The following AOPEP variants were observed in gnomAD, a reference collection of about 807,000 sequenced individuals.
AOPEP encodes the protein aminopeptidase O (putative), also known as aminopeptidase O.
Under a neutral mutation model 98.1 loss-of-function variants are expected in AOPEP, and 77 were observed. The ratio of observed to expected loss-of-function variants is 0.78; its 90% CI spans 0.65 to 0.95. The LOEUF is 0.95. AOPEP is among the 40% of genes least tolerant of loss of function. The probability of loss-of-function intolerance (pLI) is 0.00; values close to 1 mark genes in which losing one functional copy is unlikely to be tolerated. For synonymous variants in AOPEP, 346 were observed against 365.3 expected (o/e 0.95, Z 0.60); for missense variants, 1,024 against 1,024.7 (o/e 1.00, Z 0.01).
At chr9:94,728,377 A>G (rs1829759623) in intron 1 of AOPEP, among the ~76,000 whole-genome samples, 1 of 152,218 alleles carries the variant, frequency 6.6e-6, no homozygotes, top group Admixed American at 6.5e-5. Context: ...TGAGAGCTTA[A>G]TACTTCTTTA....
the AOPEP span, among the ~76,000 whole-genome samples, chr9:95,148,548 A>G: frequency 6.6e-6 from 1 of 152,246 alleles, no homozygotes; most frequent in Non-Finnish European, 1.5e-5. Context: ...GTCCACCAAC[A>G]TAAGCTTGAC....
At chr9:95,015,969 T>G (rs1194202775) in intron 13 of AOPEP, among the ~76,000 whole-genome samples, 1 of 152,164 alleles carries the variant, frequency 6.6e-6, no homozygotes, top group Non-Finnish European at 1.5e-5. Flanking sequence ...CCCAAAGTGC[T>G]GGGATTACAG....
chr9:95,061,548 T>G (rs1391279714), intron 14 of AOPEP, among the ~76,000 whole-genome samples: 1 of 152,186 alleles, frequency 6.6e-6, no homozygotes, highest in Admixed American at 6.5e-5. Flanking sequence ...TATTTTGAGT[T>G]GAGATGTGCT....
At chr9:95,137,633 T>C in the AOPEP span, among the ~76,000 whole-genome samples, 1 of 152,184 alleles carries the variant, frequency 6.6e-6, no homozygotes, top group African/African-American at 2.4e-5. Context: ...TTGGAGTGTC[T>C]GAGGCACAAC....
intron 5 of AOPEP, among the ~76,000 whole-genome samples, chr9:94,809,362 C>T (rs1046604687): frequency 2.6e-5 from 4 of 152,150 alleles, no homozygotes; most frequent in Middle Eastern, 3.2e-3. Flanking sequence ...AGCAGTATTC[C>T]CCCAACTGTT....
chr9:94,801,094 T>C, intron 5 of AOPEP, 92 bp downstream of exon 5: 1 of 1,446,674 alleles, frequency 6.9e-7, no homozygotes, highest in Non-Finnish European at 9.6e-7. Context: ...AGAGCAGTCA[T>C]TTGATTAGAA....
intron 4 of AOPEP, among the ~76,000 whole-genome samples, chr9:94,795,274 G>C (rs1024891026): frequency 5.3e-5 from 8 of 152,080 alleles, no homozygotes; most frequent in Non-Finnish European, 8.8e-5. Context: ...CCTGGAGTCT[G>C]ATCCACCTTC....
intron 14 of AOPEP, among the ~76,000 whole-genome samples, chr9:95,064,983 C>G (rs963418185): frequency 1.3e-5 from 2 of 152,232 alleles, no homozygotes; most frequent in Non-Finnish European, 2.9e-5. Flanking sequence ...TGACTTTCGT[C>G]TTCTGCTTTG....
intron 5 of AOPEP, among the ~76,000 whole-genome samples, chr9:94,902,643 CA>C (rs1235202399): frequency 6.6e-6 from 1 of 152,142 alleles, no homozygotes; most frequent in East Asian, 1.9e-4. Flanking sequence ...TTCTGGTCTT[CA>C]GTTTCCTAGA....
Position 95,060,293 on chromosome 9 carries a change from A to C in AOPEP, c.2116-401A>C, listed in dbSNP as rs188926988. On this transcript the variant is annotated intron_variant, in intron 13 of 16. Coordinates refer to ENST00000375315, the MANE Select transcript of AOPEP (RefSeq NM_001193329.3). ...CTGAATGCCGCATCTTAGTTCTGTG[A>C]AATTTCCAGGTGTTTGCCTGTAATT... is the stretch of plus-strand genomic sequence containing the variant. 2.7e-4 allele frequency among the ~76,000 whole-genome samples: 41 copies of C among 152,350 alleles called. No individual in the cohort carries two copies. In the East Asian group the frequency reaches 7.9e-3, roughly 29 times the overall value.
intron 7 of AOPEP, chr9:94,935,446 A>G (rs1465357722): frequency 6.6e-6 from 1 of 152,442 alleles, no homozygotes; most frequent in Non-Finnish European, 1.5e-5. Flanking sequence ...GGAAGTGAGG[A>G]GGCCAAGCCA....
the AOPEP span, among the ~76,000 whole-genome samples, chr9:95,148,922 T>C: frequency 6.6e-6 from 1 of 152,214 alleles, no homozygotes; most frequent in African/African-American, 2.4e-5. Context: ...ATTCCCGCCT[T>C]TCCCAATTAC....
chr9:95,105,678 A>ACTT, the AOPEP span, among the ~76,000 whole-genome samples: 1 of 152,024 alleles, frequency 6.6e-6, no homozygotes, highest in Non-Finnish European at 1.5e-5. Context: ...AAACTCTAGC[A>ACTT]CTTCCTCTCC....
intron 5 of AOPEP, among the ~76,000 whole-genome samples, chr9:94,918,314 T>A (rs2053116100): frequency 6.6e-6 from 1 of 152,206 alleles, no homozygotes; most frequent in South Asian, 2.1e-4. Flanking sequence ...ATTTCTTACC[T>A]TCCTTTCACT....
chr9:94,800,031 G>A (rs1025371643), intron 4 of AOPEP, among the ~76,000 whole-genome samples: 1 of 152,104 alleles, frequency 6.6e-6, no homozygotes, highest in East Asian at 1.9e-4. Context: ...TTTCAGTTCC[G>A]CCTTTGATGG....
intron 1 of AOPEP, among the ~76,000 whole-genome samples, chr9:94,750,289 A>G (rs1835384347): frequency 6.6e-6 from 1 of 152,190 alleles, no homozygotes; most frequent in South Asian, 2.1e-4. Context: ...TTCAGCCAGT[A>G]AGACTCCAGG....
chr9:95,088,466 C>T (rs756456160), downstream of AOPEP, among the ~76,000 whole-genome samples: 1 of 152,188 alleles, frequency 6.6e-6, no homozygotes, highest in African/African-American at 2.4e-5. Context: ...GCCTCGGCCT[C>T]CCAAAGTGCC....
At chr9:95,118,740 G>A in the AOPEP span, among the ~76,000 whole-genome samples, 1 of 152,202 alleles carries the variant, frequency 6.6e-6, no homozygotes, top group African/African-American at 2.4e-5. Context: ...TTGTGTGCGA[G>A]TAGATCATTC....
chr9:94,853,887 G>A (rs1246065622), intron 5 of AOPEP, among the ~76,000 whole-genome samples: 2 of 152,206 alleles, frequency 1.3e-5, no homozygotes, highest in Non-Finnish European at 2.9e-5. Flanking sequence ...ACTCTCATAG[G>A]TACATGCTAG....
Sources: gnomAD v4.1 joint callset for allele counts (sites outside exome capture counted in the v4.1 genomes callset) on GRCh38, gnomAD v4.1.1 for gene constraint, MANE v1.5 for transcripts, NCBI Gene and HGNC (gene_info 2026-07-23, HGNC 2026-07-21) for gene names.